The following SRP72 variants were observed in gnomAD, a reference collection of about 807,000 sequenced individuals.
SRP72 encodes the protein signal recognition particle 72.
SRP72 carries 49 observed loss-of-function variants against 96.3 expected under a neutral mutation model. That is an observed-to-expected ratio of 0.51 (90% CI 0.40 to 0.65). The LOEUF is 0.65. SRP72 is among the 30% of genes least tolerant of loss of function. SRP72 has a pLI of 0.00. For missense variants in SRP72, 736 were observed against 793.3 expected (o/e 0.93, Z 0.87); for synonymous variants, 267 against 275.2 (o/e 0.97, Z 0.30).
Position 56,484,758 on chromosome 4 carries a change from C to G in SRP72, c.980C>G (p.Ser327Cys). 6.2e-7 allele frequency: 1 copy of G among 1,614,142 alleles called. No individual in the cohort carries two copies. The highest frequency in any genetic ancestry group is 8.5e-7 in the Non-Finnish European group (1 of 1,180,040). The change falls in exon 10 of 19, where the codon TCT (serine) becomes TGT (cysteine). Residue 327 changes from serine to cysteine, a missense_variant. Ser to Cys is a moderately radical substitution (Grantham distance 112). This residue lies in a region of SRP72 where 388 missense variants were observed against 431.8 expected (regional missense o/e 0.90). Transcript: ENST00000642900. ...TAGGCTGAACAATGCCGCAAAATATCTGCCAGTTTACAGTCCCAAAGTCCC... is the reference window on the plus strand; with the variant it reads ...TAGGCTGAACAATGCCGCAAAATATGTGCCAGTTTACAGTCCCAAAGTCCC... ...TNQAEQCRKI[S>C]ASLQSQSPEH...
At chr4:56,489,229 A>G (rs185298710) in intron 12 of SRP72, 159 bp from the exon 13 acceptor site, 37 of 422,968 alleles carry the variant, frequency 8.7e-5, no homozygotes, top group Non-Finnish European at 8.4e-6. Flanking sequence ...TATTTCTAGA[A>G]GTAAAGTTAA....
At chr4:56,500,964 A>ATG (rs1721243990) in intron 18 of SRP72, among the ~76,000 whole-genome samples, 1 of 147,654 alleles carries the variant, frequency 6.8e-6, no homozygotes. Flanking sequence ...AAAAACTATT[A>ATG]TAAAAACTAA....
intron 17 of SRP72, among the ~76,000 whole-genome samples, chr4:56,497,705 T>G (rs1721127591): frequency 6.6e-6 from 1 of 152,018 alleles, no homozygotes; most frequent in Non-Finnish European, 1.5e-5. Context: ...TGTTCTTAAC[T>G]TTGTATCTCT....
chr4:56,469,295 G>C lies in SRP72; in HGVS notation c.110-358G>C, dbSNP rs183793978. Among the ~76,000 whole-genome samples, 372 of 152,234 alleles carry C rather than the reference G, an allele frequency of 2.4e-3. 3 individuals carry two copies. The highest frequency in any genetic ancestry group is 8.5e-3 in the African/African-American group (355 of 41,534). ...CAAATTCTACCTGAACTTTTTCCCTGTGAAGTAATGAACTATGTAGAATGT... is the reference window on the plus strand; with the variant it reads ...CAAATTCTACCTGAACTTTTTCCCTCTGAAGTAATGAACTATGTAGAATGT... On this transcript the variant is annotated intron_variant, in intron 1 of 18. Transcript: ENST00000642900.
At chr4:56,477,787 G>T (rs1314887890) in intron 6 of SRP72, among the ~76,000 whole-genome samples, 1 of 152,252 alleles carries the variant, frequency 6.6e-6, no homozygotes, top group South Asian at 2.1e-4. Flanking sequence ...CAGAAGGAAA[G>T]GAGAAATGTG....
At chr4:56,486,205 G>A in intron 10 of SRP72, 120 bp from the exon 11 acceptor site, 2 of 678,330 alleles carry the variant, frequency 2.9e-6, no homozygotes, top group Non-Finnish European at 4.6e-6. Context: ...TTGACCTGCA[G>A]CCAGAAGTTT....
chr4:56,479,659 T>A (rs34398021), intron 8 of SRP72, among the ~76,000 whole-genome samples: 12,558 of 150,986 alleles, frequency 0.083, 669 homozygotes, highest in East Asian at 0.27. Flanking sequence ...TAAAAAAAAA[T>A]TTGTAGAGAC....
intron 5 of SRP72, among the ~76,000 whole-genome samples, chr4:56,475,394 C>CA (rs1322656151): frequency 3.6e-4 from 38 of 106,454 alleles, no homozygotes; most frequent in South Asian, 1.3e-3. Context: ...TTCGTTTTTA[C>CA]AAAAAAAAAA....
chr4:56,471,449 A>G (rs1422714888), intron 2 of SRP72, among the ~76,000 whole-genome samples: 1 of 152,248 alleles, frequency 6.6e-6, no homozygotes. Flanking sequence ...TAGCAGATGA[A>G]TGATTTCCTT....
chr4:56,500,474 T>G, intron 17 of SRP72, 62 bp from the exon 18 acceptor site: 1 of 1,534,246 alleles, frequency 6.5e-7, no homozygotes, highest in Non-Finnish European at 8.9e-7. Context: ...GAGACATCGT[T>G]TAAACAAACT....
intron 15 of SRP72, 62 bp from the exon 16 acceptor site, chr4:56,491,369 T>C: frequency 1.9e-6 from 3 of 1,560,034 alleles, no homozygotes; most frequent in East Asian, 2.3e-5. Flanking sequence ...GGCAAACATA[T>C]ATATCTATAT....
At position 56,486,396 on chromosome 4, in the gene SRP72, A is replaced by G. The variant is rs1720711754; in HGVS notation, c.1158A>G (p.Gln386=). 3 of 1,600,070 alleles carry G rather than the reference A, an allele frequency of 1.9e-6. No homozygotes were observed. Among genetic ancestry groups the G allele is most frequent in the East Asian group, 2.2e-5 (1 of 44,504 alleles). ...KLTMAQLKIS[Q]GNISKACLIL... is the part of the protein sequence containing the mutation. ...CCATGGCACAGTTGAAAATTTCTCA[A>G]GGTATTATGGTTTTCATCATGATTA... Residue 386 remains glutamine (Q), a splice_region_variant and synonymous_variant, in exon 11 of 19, where the codon CAA becomes CAG. Transcript: ENST00000642900.
At chr4:56,500,755 A>G (rs766427360) in intron 18 of SRP72, 60 bp downstream of exon 18, 10 of 1,489,666 alleles carry the variant, frequency 6.7e-6, no homozygotes, top group African/African-American at 1.4e-5. Context: ...AGATTGACTC[A>G]AGGCTATTAG....
chr4:56,491,372 A>G (rs780683234), intron 15 of SRP72, 59 bp from the exon 16 acceptor site: 282 of 1,564,828 alleles, frequency 1.8e-4, no homozygotes, highest in Non-Finnish European at 2.3e-4. Flanking sequence ...AAACATATAT[A>G]TCTATATAAA....
In SRP72 at chr4:56,471,598, AC is replaced by A. The variant is rs1719976696; in HGVS notation, c.231-120del. On this transcript the variant is annotated intron_variant, in intron 2 of 18. Transcript: ENST00000642900. ...TATCTGATATTTAGACAAGTCTCTAACCTTTGTCAGTTTTCTCATCTGTTAT... is the reference window on the plus strand; with the variant it reads ...TATCTGATATTTAGACAAGTCTCTAACTTTGTCAGTTTTCTCATCTGTTAT... 9.5e-6 allele frequency: 11 copies of A among 1,153,264 alleles called. No homozygotes were observed. In the South Asian group the frequency reaches 1.2e-4, roughly 13 times the overall value. The allele number at this position is 1,153,264 out of a possible 1,614,324, so 71.4% of individuals were successfully genotyped here.
chr4:56,483,064 A>G (rs971780593), intron 8 of SRP72, 75 bp from the exon 9 acceptor site: 21 of 1,414,156 alleles, frequency 1.5e-5, no homozygotes, highest in Middle Eastern at 2.6e-4. Flanking sequence ...TGCTGTATCT[A>G]TATAAAGTTA....
rs191049059 is a variant in SRP72 at position 56,493,668 on chromosome 4, C to T, written c.1641-1689C>T. On this transcript the variant is annotated intron_variant, in intron 16 of 18. Transcript: ENST00000642900. ...TTACTTGAGGTCAGGAGTTCGAAAC[C>T]AGCCTGGACAACATGGTGAAACCCC... Among the ~76,000 whole-genome samples the T allele has an allele frequency of 3.8e-3, 583 of 152,140 alleles. 5 individuals are homozygous for T. Among genetic ancestry groups the T allele is most frequent in the African/African-American group, 0.013 (535 of 41,532 alleles).
chr4:56,482,406 C>A (rs1720536283), intron 8 of SRP72, among the ~76,000 whole-genome samples: 1 of 151,466 alleles, frequency 6.6e-6, no homozygotes, highest in South Asian at 2.1e-4. Context: ...TGAGACTGTG[C>A]CACTGCTCTC....
chr4:56,484,224 C>T (rs985725688), intron 9 of SRP72, among the ~76,000 whole-genome samples: 14 of 151,476 alleles, frequency 9.2e-5, no homozygotes, highest in African/African-American at 2.7e-4. Flanking sequence ...TTAGTAGAGA[C>T]GGGGTTTCAC....
Sources: allele counts gnomAD v4.1 joint callset (sites outside exome capture counted in the v4.1 genomes callset), GRCh38; gene constraint gnomAD v4.1.1; regional missense constraint gnomAD v4.1.1; transcripts MANE v1.5; gene names NCBI Gene and HGNC (gene_info 2026-07-23, HGNC 2026-07-21).